CLNK: variants seen among roughly 807,000 people sequenced by gnomAD.
CLNK encodes the protein cytokine-dependent hematopoietic cell linker.
A neutral mutation model predicts 68.6 loss-of-function variants in CLNK; 74 were observed. That is an observed-to-expected ratio of 1.08 (90% CI 0.89 to 1.31). The LOEUF is 1.31. CLNK is among the 50% of genes most tolerant of loss of function. The probability of loss-of-function intolerance (pLI) is 0.00; values close to 1 mark genes in which losing one functional copy is unlikely to be tolerated. For missense variants in CLNK, 553 were observed against 515.3 expected (o/e 1.07, Z -0.71); for synonymous variants, 198 against 172.2 (o/e 1.15, Z -1.17).
At chr4:10,574,371 A>T (rs1019011199) in intron 4 of CLNK, among the ~76,000 whole-genome samples, 1 of 151,928 alleles carries the variant, frequency 6.6e-6, no homozygotes, top group Admixed American at 6.6e-5. Flanking sequence ...GCATTGTCCA[A>T]TTTTTGCAAG....
the CLNK span, among the ~76,000 whole-genome samples, chr4:10,706,526 C>T: frequency 1.3e-5 from 2 of 152,160 alleles, no homozygotes; most frequent in East Asian, 1.9e-4. Flanking sequence ...TCTGAAGAGA[C>T]CCATATCTGT....
intron 2 of CLNK, among the ~76,000 whole-genome samples, chr4:10,665,354 G>C (rs1724352749): frequency 6.6e-6 from 1 of 152,146 alleles, no homozygotes; most frequent in Non-Finnish European, 1.5e-5. Flanking sequence ...AGAGGCCCTT[G>C]GCATAGGGTG....
At chr4:10,630,586 T>G (rs1722847843) in intron 2 of CLNK, among the ~76,000 whole-genome samples, 1 of 152,160 alleles carries the variant, frequency 6.6e-6, no homozygotes, top group African/African-American at 2.4e-5. Context: ...ATTATAGCAC[T>G]ATAGAGGGAG....
chr4:10,546,024 G>A (rs1186699247), intron 8 of CLNK, among the ~76,000 whole-genome samples: 1 of 152,094 alleles, frequency 6.6e-6, no homozygotes, highest in Non-Finnish European at 1.5e-5. Flanking sequence ...TTCCATCCTA[G>A]AACTCTAGGC....
chr4:10,583,829 G>A (rs764010530), intron 4 of CLNK, among the ~76,000 whole-genome samples: 15 of 152,292 alleles, frequency 9.8e-5, no homozygotes, highest in African/African-American at 3.4e-4. Flanking sequence ...GGGAGGAAGA[G>A]GATACAGGTA....
intron 2 of CLNK, among the ~76,000 whole-genome samples, chr4:10,606,050 C>A (rs1273725419): frequency 6.6e-6 from 1 of 151,936 alleles, no homozygotes. Flanking sequence ...TTAAACTTAG[C>A]TTACTGTAAT....
chr4:10,521,360 A>G (rs1718054735), intron 14 of CLNK, among the ~76,000 whole-genome samples: 1 of 152,242 alleles, frequency 6.6e-6, no homozygotes, highest in Non-Finnish European at 1.5e-5. Flanking sequence ...AACAATATGC[A>G]TTTCTAAATA....
chr4:10,688,182 T>C (rs1370698738), upstream of CLNK, among the ~76,000 whole-genome samples: 1 of 152,188 alleles, frequency 6.6e-6, no homozygotes, highest in African/African-American at 2.4e-5. Context: ...CACTGAAGTG[T>C]AGTATGGGAC....
chr4:10,538,457 C>T (rs1718885403), intron 11 of CLNK, among the ~76,000 whole-genome samples: 1 of 152,182 alleles, frequency 6.6e-6, no homozygotes, highest in Non-Finnish European at 1.5e-5. Context: ...TATTTTCTGT[C>T]TTCTTACTTC....
At chr4:10,538,170 C>A (rs986969097) in intron 11 of CLNK, among the ~76,000 whole-genome samples, 2 of 152,188 alleles carry the variant, frequency 1.3e-5, no homozygotes, top group Non-Finnish European at 2.9e-5. Context: ...CTGTCGCCCT[C>A]TGTCGCTGGA....
intron 2 of CLNK, among the ~76,000 whole-genome samples, chr4:10,648,509 T>C (rs1723600721): frequency 6.6e-6 from 1 of 152,212 alleles, no homozygotes; most frequent in African/African-American, 2.4e-5. Context: ...ACATAATCTC[T>C]TGTCACAGCA....
chr4:10,538,010 A>G (rs1484826025), intron 11 of CLNK, among the ~76,000 whole-genome samples: 2 of 152,026 alleles, frequency 1.3e-5, no homozygotes, highest in East Asian at 3.9e-4. Context: ...ACTCATTGCT[A>G]CTGGGTCCCA....
chr4:10,664,204 T>C (rs921246885), intron 2 of CLNK, among the ~76,000 whole-genome samples: 6 of 145,362 alleles, frequency 4.1e-5, no homozygotes, highest in Non-Finnish European at 9.0e-5. Context: ...TGGATGTAGA[T>C]TACATTCAGT....
chr4:10,659,215 C>T (rs962215216), intron 2 of CLNK, among the ~76,000 whole-genome samples: 3 of 152,208 alleles, frequency 2.0e-5, no homozygotes, highest in Middle Eastern at 3.4e-3. Context: ...GAAAACAAAA[C>T]GTAACACACA....
intron 2 of CLNK, among the ~76,000 whole-genome samples, chr4:10,633,983 A>C (rs1032967392): frequency 2.0e-5 from 3 of 152,230 alleles, no homozygotes; most frequent in Non-Finnish European, 4.4e-5. Flanking sequence ...CCCATTTTAC[A>C]GACAAGGAAA....
intron 2 of CLNK, among the ~76,000 whole-genome samples, chr4:10,655,362 G>GAGAA (rs1385771669): frequency 6.6e-6 from 1 of 151,300 alleles, no homozygotes; most frequent in African/African-American, 2.4e-5. Context: ...GAGAGAGAGA[G>GAGAA]AGAGAGAGAG....
intron 7 of CLNK, among the ~76,000 whole-genome samples, chr4:10,561,857 A>C (rs1282168859): frequency 1.3e-5 from 2 of 152,226 alleles, no homozygotes; most frequent in Non-Finnish European, 2.9e-5. Flanking sequence ...CTCTTTCCCT[A>C]CTAAACAGGT....
At chr4:10,541,944 T>G (rs1206920196) in intron 10 of CLNK, 78 bp downstream of exon 10, 2 of 1,077,126 alleles carry the variant, frequency 1.9e-6, no homozygotes, top group African/African-American at 3.2e-5. Context: ...GTCAAATGTT[T>G]GTGTTTCTCT....
Position 10,566,067 on chromosome 4 carries a change from C to G in CLNK, c.234G>C (p.Glu78Asp). 1 of 1,613,936 alleles carries G rather than the reference C, an allele frequency of 6.2e-7. No individual in the cohort carries two copies. The highest frequency in any genetic ancestry group is 1.1e-5 in the South Asian group (1 of 91,078). ...DYDDPELRME[E>D]TWQSIKILPA... is the part of the protein sequence containing the mutation. ...GTAAAATTTTAATCGACTGCCATGT[C>G]TCTTCCATCCGAAGCTCAGGGTCAT... The change falls in exon 6 of 19, where the codon GAG becomes GAC. Residue 78 changes from glutamate to aspartate, a missense_variant. Coordinates refer to ENST00000226951, the MANE Select transcript of CLNK (RefSeq NM_052964.4).
Sources: gnomAD v4.1 joint callset for allele counts (sites outside exome capture counted in the v4.1 genomes callset) on GRCh38, gnomAD v4.1.1 for gene constraint, MANE v1.5 for transcripts, NCBI Gene and HGNC (gene_info 2026-07-23, HGNC 2026-07-21) for gene names.